Variants in RPGR observed in about 807,000 individuals in gnomAD.
RPGR encodes retinitis pigmentosa GTPase regulator, also known as X-linked retinitis pigmentosa GTPase regulator.
A neutral mutation model predicts 56.3 loss-of-function variants in RPGR; 10 were observed. The ratio of observed to expected loss-of-function variants is 0.18; its 90% CI spans 0.11 to 0.30. RPGR has a LOEUF of 0.30. Among genes scored for constraint, RPGR ranks in the 10% least tolerant of loss-of-function variants. RPGR has a pLI of 1.00. For missense variants in RPGR, 538 were observed against 590.9 expected (o/e 0.91, Z 0.93); for synonymous variants, 197 against 212.9 (o/e 0.93, Z 0.65).
chrX:38,275,155 A>G lies in RPGR; in HGVS notation c.2092-9T>C. The G allele has an allele frequency of 8.3e-7, 1 of 1,199,334 alleles. No homozygotes were observed. The highest frequency in any genetic ancestry group is 1.1e-6 in the Non-Finnish European group (1 of 884,422). ...AGGTTGGCTTTTTCTTTCTATAAAC[A>G]ATAACAAAGCAATATAACAAAAAAT... On this transcript the variant is annotated splice_polypyrimidine_tract_variant and intron_variant, in intron 16 of 18. Transcript: ENST00000642395.
At chrX:38,302,450 C>A (rs1041563202) in intron 8 of RPGR, among the ~76,000 whole-genome samples, 1 of 111,258 alleles carries the variant, frequency 9.0e-6, no homozygotes, top group African/African-American at 3.3e-5. Context: ...GCAACTAATA[C>A]CCCTGAAGCA....
chrX:38,307,995 C>T (rs887944968), intron 7 of RPGR: 3 of 111,896 alleles, frequency 2.7e-5, no homozygotes, highest in Admixed American at 1.9e-4. Context: ...ATTTTTTAAA[C>T]TCAAATTTTA....
intron 15 of RPGR, among the ~76,000 whole-genome samples, chrX:38,280,448 G>A (rs1434502637): frequency 9.0e-6 from 1 of 111,177 alleles, no homozygotes; most frequent in Non-Finnish European, 1.9e-5. Flanking sequence ...TGGGAACTGG[G>A]GAGAGGGGTG....
rs765479363 is a variant in RPGR at position 38,288,058 on chromosome X, G to A, written c.1573-17C>T. On this transcript the variant is annotated splice_polypyrimidine_tract_variant and intron_variant, in intron 13 of 18. Coordinates refer to ENST00000642395, the MANE Select transcript of RPGR (RefSeq NM_000328.3). ...TTGTTGTTTCTGTAAATTTTTTGAAGTAATTATCATATGTCATACTACTAT... is the reference window on the plus strand; with the variant it reads ...TTGTTGTTTCTGTAAATTTTTTGAAATAATTATCATATGTCATACTACTAT... 26 of 1,183,699 alleles carry A rather than the reference G, an allele frequency of 2.2e-5. No homozygotes were observed. Among genetic ancestry groups the A allele is most frequent in the Middle Eastern group, 2.4e-4 (1 of 4,212 alleles).
At chrX:38,301,630 G>A (rs1342649636) in intron 8 of RPGR, among the ~76,000 whole-genome samples, 2 of 111,235 alleles carry the variant, frequency 1.8e-5, no homozygotes, top group Non-Finnish European at 3.8e-5. Context: ...AAGGCAGTGT[G>A]TGGAGCAGCA....
At chrX:38,313,721 C>T (rs2067764725) in intron 6 of RPGR, among the ~76,000 whole-genome samples, 1 of 111,707 alleles carries the variant, frequency 9.0e-6, no homozygotes, top group Admixed American at 9.5e-5. Context: ...ATCTCAGATA[C>T]CACCACCTCT....
rs62638628 is a variant in RPGR, at chrX:38,323,447, C to T, written c.106G>A (p.Val36Ile). The T allele has an allele frequency of 2.5e-6, 3 of 1,205,139 alleles. No individual in the cohort carries two copies. Among genetic ancestry groups the T allele is most frequent in the East Asian group, 3.0e-5 (1 of 33,742 alleles). The stretch of plus-strand genomic sequence containing the variant: ...TCTCCACATGAAAGATGTACAGGGA[C>T]ATCATTTTTAAACCAGAATTTACCG... The change falls in exon 2 of 19, where the codon GTC becomes ATC. Residue 36 changes from valine to isoleucine, a missense_variant. Physicochemically the swap from Val to Ile is conservative, Grantham distance 29. Transcript: ENST00000642395.
chrX:38,273,333 AAAAC>A, intron 18 of RPGR: 2 of 1,001,511 alleles, frequency 2.0e-6, no homozygotes, highest in South Asian at 2.0e-5. Context: ...TATGAAAAGT[AAAAC>A]AAACAATTGA....
chrX:38,323,052 T>C, intron 2 of RPGR, 107 bp from the exon 3 acceptor site: 1 of 633,493 alleles, frequency 1.6e-6, no homozygotes, highest in Non-Finnish European at 2.6e-6. Context: ...GTCACTGCTT[T>C]TCTGTGTTGA....
chrX:38,323,107 T>C (rs1320922248), intron 2 of RPGR, among the ~76,000 whole-genome samples, 162 bp from the exon 3 acceptor site: 1 of 112,366 alleles, frequency 8.9e-6, no homozygotes, highest in Non-Finnish European at 1.9e-5. Flanking sequence ...TTCTATTAGG[T>C]GGAAAAGAGT....
rs1242143931 is a variant in RPGR, at chrX:38,287,888, T to C, written c.1726A>G (p.Ile576Val). The change falls in exon 14 of 19, where the codon ATC (isoleucine) becomes GTC (valine). Residue 576 changes from isoleucine to valine, a missense_variant. Ile to Val is a conservative substitution (Grantham distance 29, BLOSUM62 3). Transcript: ENST00000642395. ...ACTTCCTCATCTGAAAATGCTTCGA[T>C]AGTCGTAGCTGGCTGCGTCATGAAA... The C allele has an allele frequency of 1.2e-5, 14 of 1,209,102 alleles. No individual in the cohort carries two copies. The highest frequency in any genetic ancestry group is 1.8e-5 in the South Asian group (1 of 56,704).
intron 11 of RPGR, among the ~76,000 whole-genome samples, chrX:38,295,785 T>C (rs1217509845): frequency 1.8e-5 from 2 of 111,419 alleles, no homozygotes; most frequent in Non-Finnish European, 3.8e-5. Context: ...ATCTCAAAGA[T>C]ACACAAATTA....
rs34373117 is a variant in RPGR, at chrX:38,315,838, TAG to T, written c.619+1476_619+1477del. Among the ~76,000 whole-genome samples, 576 of 90,765 alleles carry T rather than the reference TAG, an allele frequency of 6.3e-3. 5 individuals are homozygous for T. The highest frequency in any genetic ancestry group is 0.022 in the African/African-American group (515 of 22,964). 78.8% of individuals were successfully genotyped at this position (90,765 alleles called of 115,157 possible). A position where few individuals can be genotyped will look rare whatever the true frequency, so the allele number is the denominator to read the frequency against. ...ATATATACATATATATATATATATA[TAG>T]AGAGAGAGAGAGAGAGAGAGTACCC... On this transcript the variant is annotated intron_variant, in intron 6 of 18. Coordinates refer to ENST00000642395, the MANE Select transcript of RPGR (RefSeq NM_000328.3).
intron 1 of RPGR, 24 bp from the exon 2 acceptor site, chrX:38,323,548 T>C (rs371214651): frequency 6.6e-5 from 79 of 1,198,570 alleles, no homozygotes; most frequent in Non-Finnish European, 8.7e-5. Context: ...ACGGTCTTTA[T>C]TTTATAACTT....
In RPGR at chrX:38,327,372, C is replaced by T; in HGVS notation, c.-5G>A. The stretch of plus-strand genomic sequence containing the variant: ...CAGCTCTTCCGGCTCCCTCATGCCA[C>T]GGGCAGTACGGGCAGCCTGCGCCGG... On this transcript the variant is annotated 5_prime_UTR_variant, in exon 1 of 19. The change creates a new upstream start codon in the 5' untranslated region. Coordinates refer to ENST00000642395, the MANE Select transcript of RPGR (RefSeq NM_000328.3). The T allele has an allele frequency of 8.5e-7, 1 of 1,182,832 alleles. No homozygotes were observed. The highest frequency in any genetic ancestry group is 1.9e-5 in the South Asian group (1 of 53,560).
intron 16 of RPGR, among the ~76,000 whole-genome samples, chrX:38,276,019 A>C (rs886713275): frequency 8.9e-6 from 1 of 112,097 alleles, no homozygotes; most frequent in African/African-American, 3.2e-5. Flanking sequence ...CAAAACTGCC[A>C]ATGGAAGAGA....
At chrX:38,275,024 T>G (rs1236224799) in intron 17 of RPGR, 2 of 905,836 alleles carry the variant, frequency 2.2e-6, no homozygotes, top group Non-Finnish European at 1.6e-6. Context: ...AATTATGGCA[T>G]ACATACACAT....
intron 6 of RPGR, among the ~76,000 whole-genome samples, chrX:38,315,938 C>A (rs1478331005): frequency 2.8e-5 from 3 of 107,286 alleles, no homozygotes; most frequent in African/African-American, 6.8e-5. Context: ...AAAAATAATC[C>A]ATTTTTTCTG....
chrX:38,296,898 C>T (rs936396667), intron 11 of RPGR, among the ~76,000 whole-genome samples: 1 of 111,454 alleles, frequency 9.0e-6, no homozygotes, highest in East Asian at 2.8e-4. Context: ...CTGACCACTT[C>T]GTTTATAAGC....
Sources: gnomAD v4.1 joint callset for allele counts (sites outside exome capture counted in the v4.1 genomes callset) on GRCh38, gnomAD v4.1.1 for gene constraint, MANE v1.5 for transcripts, NCBI Gene and HGNC (gene_info 2026-07-23, HGNC 2026-07-21) for gene names.